The following GALNT8 variants were observed in gnomAD, a reference collection of about 807,000 sequenced individuals.
GALNT8 encodes probable polypeptide N-acetylgalactosaminyltransferase 8.
GALNT8 carries 66 observed loss-of-function variants against 62.7 expected under a neutral mutation model. That is an observed-to-expected ratio of 1.05 (90% CI 0.86 to 1.29). The LOEUF is 1.29. Ranked by LOEUF, GALNT8 falls within the 50% of genes most tolerant of loss-of-function variation. GALNT8 has a pLI of 0.00. For synonymous variants in GALNT8, 288 were observed against 294.3 expected (o/e 0.98, Z 0.22); for missense variants, 771 against 791.8 (o/e 0.97, Z 0.32).
chr12:4,765,848 C>T lies in GALNT8; in HGVS notation c.1761+302C>T, dbSNP rs368720899. Among the ~76,000 whole-genome samples the T allele has an allele frequency of 5.1e-4, 78 of 152,206 alleles. 2 individuals carry two copies. Among genetic ancestry groups the T allele is most frequent in the African/African-American group, 1.9e-3 (77 of 41,458 alleles). ...GTTACCTAATATTGCAGTCTTGGCT[C>T]ACTGCAACCTCTGCCTCCCAGGTCC... On this transcript the variant is annotated intron_variant, in intron 10 of 10. Transcript: ENST00000252318.
Position 4,726,685 on chromosome 12 carries a change from C to CA in GALNT8, c.366dup (p.Gln123ThrfsTer12), listed in dbSNP as rs1946197221. 1.9e-6 allele frequency: 3 copies of CA among 1,614,096 alleles called. No individual in the cohort carries two copies. Among genetic ancestry groups the CA allele is most frequent in the Non-Finnish European group, 2.5e-6 (3 of 1,180,014 alleles). ...ACCCAAATGAAACTCTTCCCACACTCACAGCTTTTCAGGCAATGGGGCGAG... is the reference window on the plus strand; with the variant it reads ...ACCCAAATGAAACTCTTCCCACACTCAACAGCTTTTCAGGCAATGGGGCGAG... On this transcript the variant is annotated frameshift_variant, in exon 2 of 11. Transcript: ENST00000252318. LOFTEE classifies it high-confidence loss of function. This position sits in a 1 kb window ranked among gnomAD's most constrained non-coding sequence, Gnocchi z 4.1.
Position 4,744,675 on chromosome 12 carries a change from G to T in GALNT8, c.835G>T (p.Ala279Ser). 6.2e-7 allele frequency: 1 copy of T among 1,612,460 alleles called. No homozygotes were observed. Among genetic ancestry groups the T allele is most frequent in the Non-Finnish European group, 8.5e-7 (1 of 1,179,408 alleles). ...AGCAGACGTGGTCGCCATCTTGGAT[G>T]CTCACATTGAAGTCAATGTTGGGTG... ...ATADVVAILD[A>S]HIEVNVGWAE... Residue 279 changes from alanine (A) to serine (S), a missense_variant, in exon 4 of 11, where the codon GCT (alanine) becomes TCT (serine). By Grantham distance (99) the Ala-to-Ser change is moderately conservative. Coordinates refer to ENST00000252318, the MANE Select transcript of GALNT8 (RefSeq NM_017417.2).
chr12:4,727,360 A>G (rs1946200924), intron 2 of GALNT8, among the ~76,000 whole-genome samples: 1 of 151,894 alleles, frequency 6.6e-6, no homozygotes, highest in Admixed American at 6.6e-5. Context: ...CTTTGTTGAG[A>G]TGTAATTCAC....
At chr12:4,724,009 C>T (rs1472937682) in intron 1 of GALNT8, among the ~76,000 whole-genome samples, 2 of 146,472 alleles carry the variant, frequency 1.4e-5, no homozygotes, top group Non-Finnish European at 3.1e-5. Context: ...ATTAGCTGGG[C>T]GTGGTGGCGG....
chr12:4,734,034 G>A (rs1159440400), intron 2 of GALNT8, among the ~76,000 whole-genome samples: 1 of 152,200 alleles, frequency 6.6e-6, no homozygotes, highest in Non-Finnish European at 1.5e-5. Context: ...AACCAGCAAA[G>A]TGGTAAGAAT....
intron 6 of GALNT8, among the ~76,000 whole-genome samples, chr12:4,746,600 C>T (rs1454715143): frequency 6.6e-6 from 1 of 152,130 alleles, no homozygotes; most frequent in Non-Finnish European, 1.5e-5. Context: ...AGGCCAAAGA[C>T]AGCAAAAACA....
At chr12:4,768,303 C>T (rs1395332857) in intron 10 of GALNT8, 1 of 217,240 alleles carries the variant, frequency 4.6e-6, no homozygotes, top group Non-Finnish European at 9.4e-6. Flanking sequence ...GTATTTGATT[C>T]CCTTAATAGC....
chr12:4,726,854 C>A lies in GALNT8; in HGVS notation c.509+25C>A, dbSNP rs1312617734. ...GGTGGGATGAACCAGGCTTGGGCTT[C>A]TAGGGTCCTCAGTTTGATTTGAGGA... On this transcript the variant is annotated intron_variant, in intron 2 of 10. Transcript: ENST00000252318. The surrounding 1 kb of genome is among the most constrained non-coding windows in gnomAD (Gnocchi z 4.1). The A allele has an allele frequency of 6.3e-7, 1 of 1,576,340 alleles. No homozygotes were observed. Among genetic ancestry groups the A allele is most frequent in the Admixed American group, 1.8e-5 (1 of 56,780 alleles).
Position 4,726,710 on chromosome 12 carries a change from G to T in GALNT8, c.390G>T (p.Glu130Asp). The change falls in exon 2 of 11, where the codon GAG (glutamate) becomes GAT (aspartate). Residue 130 changes from glutamate to aspartate, a missense_variant. By Grantham distance (45) the Glu-to-Asp change is conservative. Coordinates refer to ENST00000252318, the MANE Select transcript of GALNT8 (RefSeq NM_017417.2). This position sits in a 1 kb window ranked among gnomAD's most constrained non-coding sequence, Gnocchi z 4.1. ...CACAGCTTTTCAGGCAATGGGGCGA[G>T]GATCTTTCTGAGGCCCAGCAGAAGG... ...PHSQLFRQWG[E>D]DLSEAQQKAA... 1 of 1,614,086 alleles carries T rather than the reference G, an allele frequency of 6.2e-7. No homozygotes were observed. Among genetic ancestry groups the T allele is most frequent in the Non-Finnish European group, 8.5e-7 (1 of 1,180,014 alleles).
At chr12:4,752,458 A>G (rs1380224323) in intron 6 of GALNT8, among the ~76,000 whole-genome samples, 1 of 150,242 alleles carries the variant, frequency 6.7e-6, no homozygotes. Flanking sequence ...TGAGGCTTGC[A>G]ATACTATCTT....
In GALNT8 at chr12:4,720,630, C is replaced by A; in HGVS notation, c.-48C>A. Reference sequence around the variant, plus strand: ...GGTTCTGATTCTTAACCTGCTCCAGCAGTGACACACTCAGTCCCACAGGGA... The same window carrying A: ...GGTTCTGATTCTTAACCTGCTCCAGAAGTGACACACTCAGTCCCACAGGGA... On this transcript the variant is annotated 5_prime_UTR_variant, in exon 1 of 11. Coordinates refer to ENST00000252318, the MANE Select transcript of GALNT8 (RefSeq NM_017417.2). 8.6e-7 allele frequency: 1 copy of A among 1,167,064 alleles called. No individual in the cohort carries two copies. The highest frequency in any genetic ancestry group is 1.3e-6 in the Non-Finnish European group (1 of 772,092). The allele number at this position is 1,167,064 out of a possible 1,614,324, so 72.3% of individuals were successfully genotyped here.
chr12:4,743,479 G>A (rs1946281090), intron 3 of GALNT8, among the ~76,000 whole-genome samples: 1 of 152,158 alleles, frequency 6.6e-6, no homozygotes, highest in Non-Finnish European at 1.5e-5. Context: ...GATCACTCTA[G>A]GTCTCACAAA....
intron 2 of GALNT8, among the ~76,000 whole-genome samples, chr12:4,736,889 A>G (rs556599722): frequency 3.9e-5 from 6 of 152,174 alleles, no homozygotes; most frequent in Non-Finnish European, 8.8e-5. Flanking sequence ...CAGATATTGG[A>G]CTTATCTGGT....
chr12:4,764,094 G>A, intron 9 of GALNT8, 47 bp downstream of exon 9: 1 of 1,043,980 alleles, frequency 9.6e-7, no homozygotes, highest in Non-Finnish European at 1.5e-6. Context: ...GTCTGTCGTG[G>A]CTCAGCCCCT....
chr12:4,746,544 G>A (rs181120001), intron 6 of GALNT8, among the ~76,000 whole-genome samples: 4 of 152,234 alleles, frequency 2.6e-5, no homozygotes, highest in Admixed American at 2.0e-4. Context: ...CATTTTTCAA[G>A]CATCTCCTGG....
At position 4,772,626 on chromosome 12, in the gene GALNT8, C is replaced by T; in HGVS notation, c.*29C>T. 1.9e-6 allele frequency: 3 copies of T among 1,564,764 alleles called. No individual in the cohort carries two copies. Among genetic ancestry groups the T allele is most frequent in the Non-Finnish European group, 2.6e-6 (3 of 1,137,200 alleles). The stretch of plus-strand genomic sequence containing the variant: ...TCAGATGGTGCTGGATCTGGGTCAT[C>T]AATTCTTGCAAGTGGAATGGCTTCT... On this transcript the variant is annotated 3_prime_UTR_variant, in exon 11 of 11. Transcript: ENST00000252318.
At chr12:4,733,890 A>G (rs968052868) in intron 2 of GALNT8, among the ~76,000 whole-genome samples, 9 of 152,206 alleles carry the variant, frequency 5.9e-5, no homozygotes, top group African/African-American at 2.2e-4. Context: ...AGGGAATTCC[A>G]TGGGGTGACT....
intron 6 of GALNT8, among the ~76,000 whole-genome samples, chr12:4,747,356 C>G (rs1278664871): frequency 6.6e-6 from 1 of 152,056 alleles, no homozygotes; most frequent in Non-Finnish European, 1.5e-5. Context: ...ACCCATTAAC[C>G]ATCCCCTCTC....
chr12:4,728,996 G>A (rs1159074675), intron 2 of GALNT8, among the ~76,000 whole-genome samples: 1 of 152,126 alleles, frequency 6.6e-6, no homozygotes, highest in East Asian at 1.9e-4. Flanking sequence ...ATCCACGGCT[G>A]TGAGAAATCT....
Sources: gnomAD v4.1 joint callset for allele counts (sites outside exome capture counted in the v4.1 genomes callset) on GRCh38, gnomAD v4.1.1 for gene constraint, Gnocchi (gnomAD v3.1) non-coding constraint, MANE v1.5 for transcripts, NCBI Gene and HGNC (gene_info 2026-07-23, HGNC 2026-07-21) for gene names.